Variants in ASTN2 observed in about 807,000 individuals in gnomAD.
ASTN2 encodes astrotactin-2.
A neutral mutation model predicts 139.8 loss-of-function variants in ASTN2; 54 were observed. The observed-to-expected ratio is 0.39, with a 90% CI of 0.31 to 0.48. The LOEUF (loss-of-function observed/expected upper bound fraction) is 0.48, where lower values mean the gene tolerates loss of function less well. ASTN2 is among the 20% of genes least tolerant of loss of function. The pLI is 0.95. For synonymous variants in ASTN2, 756 were observed against 719.5 expected, an observed-to-expected ratio of 1.05 and a Z score of -0.81; for missense variants, 1,565 against 1,725.1, an observed-to-expected ratio of 0.91 and a Z score of 1.64.
chr9:117,168,083 A>T (rs1390679796), intron 3 of ASTN2, among the ~76,000 whole-genome samples: 2 of 152,020 alleles, frequency 1.3e-5, no homozygotes, highest in African/African-American at 4.8e-5. Flanking sequence ...TCTAAAATGG[A>T]GGTTACAATC....
intron 13 of ASTN2, among the ~76,000 whole-genome samples, chr9:116,787,845 G>A (rs1001090800): frequency 6.6e-6 from 1 of 151,926 alleles, no homozygotes; most frequent in Non-Finnish European, 1.5e-5. Context: ...ATGAACTTTA[G>A]GTAATAATAA....
intron 19 of ASTN2, among the ~76,000 whole-genome samples, chr9:116,531,255 C>T (rs753012754): frequency 2.6e-5 from 4 of 152,132 alleles, no homozygotes; most frequent in East Asian, 1.9e-4. Flanking sequence ...ACCTTTCATT[C>T]GTATTTATGT....
chr9:117,160,136 G>A (rs2132899244), intron 3 of ASTN2, among the ~76,000 whole-genome samples: 1 of 152,070 alleles, frequency 6.6e-6, no homozygotes, highest in East Asian at 1.9e-4. Context: ...CAATAGGATG[G>A]GAAAGTGTAC....
At chr9:117,093,806 C>G (rs1211806795) in intron 5 of ASTN2, among the ~76,000 whole-genome samples, 2 of 152,168 alleles carry the variant, frequency 1.3e-5, no homozygotes, top group African/African-American at 4.8e-5. Context: ...AACCTAACAA[C>G]ATCAAACACA....
chr9:116,756,770 A>AACACACACACACACACAC (rs111716372), intron 13 of ASTN2, among the ~76,000 whole-genome samples: 16 of 148,016 alleles, frequency 1.1e-4, no homozygotes, highest in African/African-American at 4.0e-4. Flanking sequence ...CTCCGAATAA[A>AACACACACACACACACAC]ACACACACAC....
chr9:116,653,430 T>C (rs1046950410), intron 16 of ASTN2, among the ~76,000 whole-genome samples: 6 of 152,224 alleles, frequency 3.9e-5, no homozygotes, highest in Admixed American at 2.6e-4. Context: ...TCTATGGCTA[T>C]ATCAAAAACC....
At chr9:116,531,176 T>C (rs1366361763) in intron 19 of ASTN2, among the ~76,000 whole-genome samples, 3 of 152,148 alleles carry the variant, frequency 2.0e-5, no homozygotes, top group African/African-American at 4.8e-5. Context: ...GAAACACTTA[T>C]CATCTGTGTT....
chr9:116,521,395 A>G (rs10983214), intron 19 of ASTN2, among the ~76,000 whole-genome samples: 83,870 of 151,930 alleles, frequency 0.55, 23,703 homozygotes, highest in African/African-American at 0.66. Flanking sequence ...ATAAAGTGGG[A>G]AAAGGACACC....
intron 19 of ASTN2, among the ~76,000 whole-genome samples, chr9:116,570,983 T>C (rs1853482599): frequency 6.6e-6 from 1 of 152,252 alleles, no homozygotes; most frequent in South Asian, 2.1e-4. Flanking sequence ...CTGAGAGTTT[T>C]GGTAATTGTT....
chr9:116,491,576 A>G (rs1415927043), intron 19 of ASTN2, among the ~76,000 whole-genome samples: 1 of 152,232 alleles, frequency 6.6e-6, no homozygotes, highest in Non-Finnish European at 1.5e-5. Context: ...GGGTTGTTAA[A>G]TACAAGAACA....
At chr9:116,688,498 G>C (rs977104686) in intron 16 of ASTN2, among the ~76,000 whole-genome samples, 2 of 152,160 alleles carry the variant, frequency 1.3e-5, no homozygotes, top group African/African-American at 4.8e-5. Flanking sequence ...GAGGAACAAA[G>C]TGATAAATCT....
At chr9:116,842,760 T>C (rs1832302571) in intron 11 of ASTN2, among the ~76,000 whole-genome samples, 1 of 150,212 alleles carries the variant, frequency 6.7e-6, no homozygotes, top group Non-Finnish European at 1.5e-5. Context: ...GGGGAGGGCA[T>C]GCAAAAAGGA....
At chr9:117,298,670 G>GGATA (rs1554717042) in intron 1 of ASTN2, among the ~76,000 whole-genome samples, 1 of 136,466 alleles carries the variant, frequency 7.3e-6, no homozygotes, top group African/African-American at 2.7e-5. Context: ...ATATATATGT[G>GGATA]TATATATATA....
intron 16 of ASTN2, among the ~76,000 whole-genome samples, chr9:116,718,966 G>GTATA (rs1219672903): frequency 6.3e-5 from 2 of 31,772 alleles, no homozygotes; most frequent in African/African-American, 2.5e-4. Context: ...ATCTATACCT[G>GTATA]TATCTGTACA....
chr9:116,970,237 T>A (rs1323912316), intron 10 of ASTN2, among the ~76,000 whole-genome samples: 1 of 152,140 alleles, frequency 6.6e-6, no homozygotes, highest in African/African-American at 2.4e-5. Context: ...AACATAATAT[T>A]TATAGGTTCT....
At chr9:116,889,072 C>T (rs4091696) in intron 10 of ASTN2, among the ~76,000 whole-genome samples, 26,860 of 152,096 alleles carry the variant, frequency 0.18, 3,347 homozygotes, top group African/African-American at 0.33. Context: ...TTAGTAGAGA[C>T]AGGGTTTTGC....
intron 7 of ASTN2, among the ~76,000 whole-genome samples, chr9:116,980,298 C>T (rs1054090570): frequency 1.3e-5 from 2 of 151,882 alleles, no homozygotes; most frequent in African/African-American, 2.4e-5. Context: ...AGCTGATGGT[C>T]ATACTACCCA....
intron 10 of ASTN2, among the ~76,000 whole-genome samples, chr9:116,880,629 G>C (rs1246941099): frequency 6.6e-6 from 1 of 152,180 alleles, no homozygotes; most frequent in Non-Finnish European, 1.5e-5. Context: ...AGGGTGGCTG[G>C]AGAATGGGGT....
intron 13 of ASTN2, among the ~76,000 whole-genome samples, chr9:116,803,520 ATATTTTTTTT>A (rs1830946850): frequency 4.9e-4 from 2 of 4,056 alleles, no homozygotes; most frequent in Non-Finnish European, 8.0e-4. Context: ...ATATATATAT[ATATTTTTTTT>A]TTTTTTTTTT....
Sources: gnomAD v4.1 joint callset for allele counts (sites outside exome capture counted in the v4.1 genomes callset) on GRCh38, gnomAD v4.1.1 for gene constraint, MANE v1.5 for transcripts, NCBI Gene and HGNC (gene_info 2026-07-23, HGNC 2026-07-21) for gene names.